Variants in PARD6G observed in about 807,000 individuals in gnomAD.
PARD6G encodes par-6 family cell polarity regulator gamma.
A neutral mutation model predicts 10.7 loss-of-function variants in PARD6G; 7 were observed. The observed-to-expected ratio is 0.66, with a 90% CI of 0.37 to 1.23. The LOEUF (loss-of-function observed/expected upper bound fraction) is 1.23, where lower values mean the gene tolerates loss of function less well. Among genes scored for constraint, PARD6G ranks in the 50% most tolerant of loss-of-function variants. PARD6G has a pLI of 0.02. For missense variants in PARD6G, 548 were observed against 571.8 expected (o/e 0.96, Z 0.42); for synonymous variants, 287 against 269.4 (o/e 1.07, Z -0.64).
chr18:80,159,967 G>T lies in PARD6G; in HGVS notation c.935C>A (p.Pro312His). The change falls in exon 3 of 3, where the codon CCC (proline) becomes CAC (histidine). Residue 312 changes from proline (P) to histidine (H), a missense_variant. Pro to His is a moderately conservative substitution (Grantham distance 77). Transcript: ENST00000353265. ...VIEGTLEPAR[P>H]PQTPGAPAGS... The stretch of plus-strand genomic sequence containing the variant: ...TGCGGGCGCGCCCGGGGTCTGGGGG[G>T]GACGTGCAGGCTCCAGTGTGCCCTC... The T allele has an allele frequency of 6.7e-7, 1 of 1,498,678 alleles. No homozygotes were observed. 92.8% of individuals were successfully genotyped at this position (1,498,678 alleles called of 1,614,324 possible). A position where few individuals can be genotyped will look rare whatever the true frequency, so the allele number is the denominator to read the frequency against.
At position 80,161,451 on chromosome 18, in the gene PARD6G, G is replaced by GA. The variant is rs1349095778; in HGVS notation, c.296-846dup. On this transcript the variant is annotated intron_variant, in intron 2 of 2. Coordinates refer to ENST00000353265, the MANE Select transcript of PARD6G (RefSeq NM_032510.4). This position sits in a 1 kb window ranked among gnomAD's most constrained non-coding sequence, Gnocchi z 4.6. ...AAGTTGGGCTACTGCAAAATAAAAT[G>GA]AAAGTCCACTGAATTAATCAAGCAG... is the stretch of plus-strand genomic sequence containing the variant. 6.6e-6 allele frequency among the ~76,000 whole-genome samples: 1 copy of GA among 152,120 alleles called. No homozygotes were observed. The highest frequency in any genetic ancestry group is 1.9e-4 in the East Asian group (1 of 5,202).
chr18:80,188,022 G>A lies in PARD6G; in HGVS notation c.295+14688C>T, dbSNP rs1327928051. 2 of 152,250 alleles carry A rather than the reference G, an allele frequency of 1.3e-5. No homozygotes were observed. Among genetic ancestry groups the A allele is most frequent in the Non-Finnish European group, 2.9e-5 (2 of 68,034 alleles). The allele number at this position is 152,250 out of a possible 1,614,324, so 9.4% of individuals were successfully genotyped here. On this transcript the variant is annotated intron_variant, in intron 2 of 2. Transcript: ENST00000353265. The surrounding 1 kb of genome is among the most constrained non-coding windows in gnomAD (Gnocchi z 5.4). ...AAAATCTTACGGGACTGCTGCATAT[G>A]TGCTCCATCACTGACTGAAACGCTA... is the stretch of plus-strand genomic sequence containing the variant.
At chr18:80,212,606 C>T (rs1352868297) in intron 1 of PARD6G, among the ~76,000 whole-genome samples, 8 of 152,166 alleles carry the variant, frequency 5.3e-5, no homozygotes, top group Admixed American at 2.0e-4. Context: ...CTTGTTTTGG[C>T]CGGGTGTGGT....
Position 80,183,402 on chromosome 18 carries a change from C to T in PARD6G, c.295+19308G>A, listed in dbSNP as rs2052857696. Among the ~76,000 whole-genome samples, 1 of 152,160 alleles carries T rather than the reference C, an allele frequency of 6.6e-6. No individual in the cohort carries two copies. On this transcript the variant is annotated intron_variant, in intron 2 of 2. Coordinates refer to ENST00000353265, the MANE Select transcript of PARD6G (RefSeq NM_032510.4). The surrounding 1 kb of genome is among the most constrained non-coding windows in gnomAD (Gnocchi z 4.5). ...CTCCCTGGCCCTAATGGGTTTCAGG[C>T]AGAGATGGTTTCCTGAGGGCAGCAC...
rs2145299579 is a variant in PARD6G, at chr18:80,228,169, G to A, written c.72+19108C>T. Among the ~76,000 whole-genome samples, 1 of 152,278 alleles carries A rather than the reference G, an allele frequency of 6.6e-6. No homozygotes were observed. Among genetic ancestry groups the A allele is most frequent in the East Asian group, 1.9e-4 (1 of 5,172 alleles). ...TTGTTCATCTGAGGAGTGGTTTCAA[G>A]GCCTCTGAGCACAGCTGGAAAAGGG... On this transcript the variant is annotated intron_variant, in intron 1 of 2. Transcript: ENST00000353265. This position sits in a 1 kb window ranked among gnomAD's most constrained non-coding sequence, Gnocchi z 4.6.
chr18:80,175,928 C>A lies in PARD6G; in HGVS notation c.296-15322G>T, dbSNP rs1320956735. ...TCCAAATGTCCACCAGCTCCAGTCA[C>A]ATTGGAGGTGAGTGCCTGCTGGGAT... is the stretch of plus-strand genomic sequence containing the variant. On this transcript the variant is annotated intron_variant, in intron 2 of 2. Coordinates refer to ENST00000353265, the MANE Select transcript of PARD6G (RefSeq NM_032510.4). This position sits in a 1 kb window ranked among gnomAD's most constrained non-coding sequence, Gnocchi z 6.7. 6.0e-6 allele frequency: 1 copy of A among 167,236 alleles called. No individual in the cohort carries two copies. The highest frequency in any genetic ancestry group is 6.5e-5 in the Admixed American group (1 of 15,292). The allele number at this position is 167,236 out of a possible 1,614,324, so 10.4% of individuals were successfully genotyped here.
In PARD6G at chr18:80,246,799, A is replaced by C. The variant is rs1967555411; in HGVS notation, c.72+478T>G. ...GGACGCCGGGCTCGGAGCCGGCGGC[A>C]AGTCTCCTCCTGGCAGGTAACAAGC... On this transcript the variant is annotated intron_variant, in intron 1 of 2. Coordinates refer to ENST00000353265, the MANE Select transcript of PARD6G (RefSeq NM_032510.4). The surrounding 1 kb of genome is among the most constrained non-coding windows in gnomAD (Gnocchi z 6.7). 1.3e-5 allele frequency among the ~76,000 whole-genome samples: 2 copies of C among 151,900 alleles called. No homozygotes were observed. Among genetic ancestry groups the C allele is most frequent in the Admixed American group, 1.3e-4 (2 of 15,264 alleles).
At position 80,182,937 on chromosome 18, in the gene PARD6G, G is replaced by A; in HGVS notation, c.295+19773C>T. ...AGCTGCGTGTGCCACAACACTGCAG[G>A]CCCCACACCACGCAGCCAGACGCCC... On this transcript the variant is annotated intron_variant, in intron 2 of 2. Coordinates refer to ENST00000353265, the MANE Select transcript of PARD6G (RefSeq NM_032510.4). This position sits in a 1 kb window ranked among gnomAD's most constrained non-coding sequence, Gnocchi z 4.5. The A allele has an allele frequency of 3.3e-6, 2 of 608,612 alleles. No homozygotes were observed. The highest frequency in any genetic ancestry group is 2.9e-6 in the Non-Finnish European group (1 of 340,338). 37.7% of individuals were successfully genotyped at this position (608,612 alleles called of 1,614,324 possible).
intron 2 of PARD6G, among the ~76,000 whole-genome samples, chr18:80,172,705 G>C (rs1009941761): frequency 6.6e-6 from 1 of 152,096 alleles, no homozygotes; most frequent in Non-Finnish European, 1.5e-5. Context: ...TTCTATTGAC[G>C]TGAGTATTCT....
intron 2 of PARD6G, among the ~76,000 whole-genome samples, chr18:80,165,926 A>G (rs999948879): frequency 5.9e-5 from 9 of 152,174 alleles, no homozygotes; most frequent in Non-Finnish European, 1.2e-4. Context: ...TATTAAAAAT[A>G]CAAAAATTAG....
chr18:80,205,876 T>C (rs771005417), intron 1 of PARD6G, among the ~76,000 whole-genome samples: 2 of 152,238 alleles, frequency 1.3e-5, no homozygotes, highest in Admixed American at 6.5e-5. Flanking sequence ...TTTAACTGAA[T>C]ACATAAGATA....
chr18:80,221,475 C>T (rs965983653), intron 1 of PARD6G, among the ~76,000 whole-genome samples: 5 of 152,000 alleles, frequency 3.3e-5, no homozygotes, highest in Non-Finnish European at 7.4e-5. Flanking sequence ...TCAATAGATA[C>T]AAAAAGAGCA....
chr18:80,215,014 C>T (rs1003174506), intron 1 of PARD6G, among the ~76,000 whole-genome samples: 1 of 91,580 alleles, frequency 1.1e-5, no homozygotes, highest in African/African-American at 4.2e-5. Context: ...AGATTAACAG[C>T]TGGCTTCTTG....
intron 2 of PARD6G, chr18:80,197,390 C>CTTAATTT (rs1966967546): frequency 6.6e-6 from 1 of 152,188 alleles, no homozygotes; most frequent in Non-Finnish European, 1.5e-5. Context: ...GCAAAATACA[C>CTTAATTT]CCCATCGGGC....
At chr18:80,214,650 T>C (rs551551447) in intron 1 of PARD6G, among the ~76,000 whole-genome samples, 164 of 152,050 alleles carry the variant, frequency 1.1e-3, no homozygotes, top group African/African-American at 3.7e-3. Context: ...GATAGGTACA[T>C]TGAGATTATC....
Position 80,183,087 on chromosome 18 carries a change from A to G in PARD6G, c.295+19623T>C, listed in dbSNP as rs556042002. The G allele has an allele frequency of 8.7e-5, 61 of 702,896 alleles. No homozygotes were observed. In the African/African-American group the frequency reaches 9.4e-4, roughly 11 times the overall value. 43.5% of individuals were successfully genotyped at this position (702,896 alleles called of 1,614,324 possible). On this transcript the variant is annotated intron_variant, in intron 2 of 2. Transcript: ENST00000353265. This position sits in a 1 kb window ranked among gnomAD's most constrained non-coding sequence, Gnocchi z 4.5. Reference sequence around the variant, plus strand: ...CATGCCGACAACAGGGGCACAGAGAAGTCCCCCTTTCAAACCAAGATTTGA... The same window carrying G: ...CATGCCGACAACAGGGGCACAGAGAGGTCCCCCTTTCAAACCAAGATTTGA...
chr18:80,247,267 G>C lies in PARD6G; in HGVS notation c.72+10C>G, dbSNP rs377054744. The stretch of plus-strand genomic sequence containing the variant: ...GGGCGCAGGGCCGCCGGGGCGGGCG[G>C]GGGGCTTACCTTGCTCTTGACTTCC... On this transcript the variant is annotated intron_variant, in intron 1 of 2. Coordinates refer to ENST00000353265, the MANE Select transcript of PARD6G (RefSeq NM_032510.4). The surrounding 1 kb of genome is among the most constrained non-coding windows in gnomAD (Gnocchi z 4.2). 3.2e-6 allele frequency: 5 copies of C among 1,572,702 alleles called. No individual in the cohort carries two copies. The highest frequency in any genetic ancestry group is 3.4e-6 in the Non-Finnish European group (4 of 1,159,946).
In PARD6G at chr18:80,182,975, C is replaced by T; in HGVS notation, c.295+19735G>A. On this transcript the variant is annotated intron_variant, in intron 2 of 2. Transcript: ENST00000353265. This position sits in a 1 kb window ranked among gnomAD's most constrained non-coding sequence, Gnocchi z 4.5. ...CAGCCAGACGCCCCTCCCAGTCCTCCTTCGTCCTGACGTGGCTCCCAGTGG... is the reference window on the plus strand; with the variant it reads ...CAGCCAGACGCCCCTCCCAGTCCTCTTTCGTCCTGACGTGGCTCCCAGTGG... 1 of 641,416 alleles carries T rather than the reference C, an allele frequency of 1.6e-6. No homozygotes were observed. Among genetic ancestry groups the T allele is most frequent in the Non-Finnish European group, 2.8e-6 (1 of 354,742 alleles). The allele number at this position is 641,416 out of a possible 1,614,324, so 39.7% of individuals were successfully genotyped here. A position where few individuals can be genotyped will look rare whatever the true frequency, so the allele number is the denominator to read the frequency against.
At chr18:80,232,779 C>T (rs566781227) in intron 1 of PARD6G, among the ~76,000 whole-genome samples, 1 of 152,310 alleles carries the variant, frequency 6.6e-6, no homozygotes, top group Non-Finnish European at 1.5e-5. Context: ...CATTCATGGG[C>T]AGGATCAGAG....
Sources: allele counts gnomAD v4.1 joint callset (sites outside exome capture counted in the v4.1 genomes callset), GRCh38; gene constraint gnomAD v4.1.1; non-coding constraint Gnocchi (gnomAD v3.1); transcripts MANE v1.5; gene names NCBI Gene and HGNC (gene_info 2026-07-23, HGNC 2026-07-21).